ERICH2: variants seen among roughly 807,000 people sequenced by gnomAD.
The protein encoded by ERICH2 is glutamate-rich protein 2.
A neutral mutation model predicts 17.4 loss-of-function variants in ERICH2; 17 were observed. The ratio of observed to expected loss-of-function variants is 0.98; its 90% confidence interval spans 0.67 to 1.47. The LOEUF is 1.47. Among genes scored for constraint, ERICH2 ranks in the 40% most tolerant of loss-of-function variants. The pLI is 0.00. For synonymous variants in ERICH2, 51 were observed against 61.1 expected (o/e 0.83, Z 0.77); for missense variants, 186 against 183.2 (o/e 1.01, Z -0.09).
In ERICH2 at chr2:170,798,633, T is replaced by C. The variant is rs1284202511; in HGVS notation, c.347-137T>C. On this transcript the variant is annotated intron_variant, in intron 4 of 4. Transcript: ENST00000409885. ...TCTTTGTACTACCATTTGACCCTAG[T>C]GCAGTTAGCCAAGTCCAACTCAGTT... 14 of 924,522 alleles carry C rather than the reference T, an allele frequency of 1.5e-5. No homozygotes were observed. The East Asian group carries it at 3.5e-4, about 23-fold the overall frequency. 57.3% of individuals were successfully genotyped at this position (924,522 alleles called of 1,614,324 possible). A position where few individuals can be genotyped will look rare whatever the true frequency, so the allele number is the denominator to read the frequency against.
chr2:170,773,766 C>G, the ERICH2 span, among the ~76,000 whole-genome samples: 3 of 152,080 alleles, frequency 2.0e-5, no homozygotes, highest in Non-Finnish European at 4.4e-5. Flanking sequence ...CACTCTCTTG[C>G]CCAGGCTGGA....
chr2:170,777,626 TA>T, the ERICH2 span: 32 of 1,227,680 alleles, frequency 2.6e-5, no homozygotes, highest in Non-Finnish European at 3.3e-5. Context: ...ATACTGAGGG[TA>T]TTTTTTTCTC....
At chr2:170,786,770 T>A (rs577023551) in intron 2 of ERICH2, among the ~76,000 whole-genome samples, 1 of 152,356 alleles carries the variant, frequency 6.6e-6, no homozygotes, top group Non-Finnish European at 1.5e-5. Flanking sequence ...AATCTGCTGT[T>A]AATCCCATCC....
chr2:170,790,119 C>A (rs1447376811), intron 2 of ERICH2, among the ~76,000 whole-genome samples: 2 of 152,098 alleles, frequency 1.3e-5, no homozygotes, highest in African/African-American at 4.8e-5. Context: ...TAGGCATTAA[C>A]AACAAAAATA....
intron 2 of ERICH2, among the ~76,000 whole-genome samples, chr2:170,791,920 A>T (rs1177167992): frequency 6.6e-6 from 1 of 152,138 alleles, no homozygotes; most frequent in Non-Finnish European, 1.5e-5. Flanking sequence ...GTATATGAGA[A>T]GGGTCTCTTT....
upstream of ERICH2, among the ~76,000 whole-genome samples, chr2:170,782,874 C>G (rs557352182): frequency 1.3e-3 from 193 of 152,154 alleles, no homozygotes; most frequent in Non-Finnish European, 2.3e-3. Context: ...CCAGGTCGAG[C>G]CCTAGAGTTT....
upstream of ERICH2, among the ~76,000 whole-genome samples, chr2:170,781,335 CA>C (rs940875165): frequency 4.6e-5 from 7 of 151,866 alleles, no homozygotes; most frequent in African/African-American, 1.7e-4. Flanking sequence ...CTCAAGACCT[CA>C]AAAAAAGAGA....
At chr2:170,798,190 T>G in intron 4 of ERICH2, 78 bp downstream of exon 9, 1 of 946,848 alleles carries the variant, frequency 1.1e-6, no homozygotes, top group Non-Finnish European at 1.7e-6. Flanking sequence ...TCCCGGGAGA[T>G]TGTCGATACA....
At chr2:170,770,683 T>C in the ERICH2 span, 1 of 155,216 alleles carries the variant, frequency 6.4e-6, no homozygotes, top group African/African-American at 2.4e-5. Context: ...GAATCAGGTA[T>C]GGACACCGAC....
intron 4 of ERICH2, among the ~76,000 whole-genome samples, chr2:170,798,384 G>A (rs368676945): frequency 1.3e-4 from 20 of 152,218 alleles, no homozygotes; most frequent in African/African-American, 3.9e-4. Flanking sequence ...ACACGGCTGC[G>A]TGTTAAAGGA....
chr2:170,790,544 T>C (rs1701264297), intron 2 of ERICH2, among the ~76,000 whole-genome samples: 2 of 152,342 alleles, frequency 1.3e-5, no homozygotes, highest in Admixed American at 6.5e-5. Context: ...GGAGAATCTC[T>C]TGAACCTGGG....
At chr2:170,776,062 T>G in the ERICH2 span, among the ~76,000 whole-genome samples, 1 of 151,930 alleles carries the variant, frequency 6.6e-6, no homozygotes, top group Non-Finnish European at 1.5e-5. Flanking sequence ...GCCGCTCCCA[T>G]ACTTGAAAAA....
the ERICH2 span, among the ~76,000 whole-genome samples, chr2:170,774,469 G>T: frequency 1.1e-4 from 17 of 151,988 alleles, no homozygotes; most frequent in African/African-American, 4.1e-4. Context: ...ATGGAAGAAT[G>T]GAATCTTAAA....
intron 2 of ERICH2, among the ~76,000 whole-genome samples, chr2:170,790,712 G>A (rs1701269811): frequency 6.6e-6 from 1 of 151,448 alleles, no homozygotes; most frequent in Non-Finnish European, 1.5e-5. Flanking sequence ...GCTGAGGCAG[G>A]AGAATCACTT....
intron 4 of ERICH2, among the ~76,000 whole-genome samples, chr2:170,798,530 G>T (rs557810214): frequency 6.6e-6 from 1 of 152,144 alleles, no homozygotes; most frequent in South Asian, 2.1e-4. Context: ...GAATTTCATT[G>T]ACAATAGTAA....
intron 3 of ERICH2, among the ~76,000 whole-genome samples, chr2:170,796,452 T>C (rs111781822): frequency 5.1e-4 from 70 of 138,334 alleles, no homozygotes; most frequent in Admixed American, 9.0e-4. Flanking sequence ...TTTTTTTTTT[T>C]TGAGACAGCG....
chr2:170,796,864 C>T (rs568318870), intron 3 of ERICH2, among the ~76,000 whole-genome samples: 7 of 152,110 alleles, frequency 4.6e-5, no homozygotes, highest in African/African-American at 1.7e-4. Context: ...TATGAATACT[C>T]CTCAAGGCTG....
upstream of ERICH2, among the ~76,000 whole-genome samples, chr2:170,778,998 T>G (rs539950898): frequency 6.6e-6 from 1 of 152,314 alleles, no homozygotes; most frequent in East Asian, 1.9e-4. Context: ...CCTCTCAAAC[T>G]GCTTCTTGCA....
upstream of ERICH2, among the ~76,000 whole-genome samples, chr2:170,778,885 C>T (rs2105678190): frequency 6.6e-6 from 1 of 152,266 alleles, no homozygotes; most frequent in East Asian, 1.9e-4. Context: ...TGTTCCACCT[C>T]CTGAGGTAGA....
Sources: allele counts gnomAD v4.1 joint callset (sites outside exome capture counted in the v4.1 genomes callset), GRCh38; gene constraint gnomAD v4.1.1; transcripts MANE v1.5; gene names NCBI Gene and HGNC (gene_info 2026-07-23, HGNC 2026-07-21).